The following AK5 variants were observed in gnomAD, a reference collection of about 807,000 sequenced individuals.
AK5 encodes adenylate kinase isoenzyme 5.
In AK5, 27 loss-of-function variants were observed where a neutral mutation model predicts 69.5. That is an observed-to-expected ratio of 0.39 (90% CI 0.29 to 0.54). The LOEUF (loss-of-function observed/expected upper bound fraction) is 0.54, where lower values mean the gene tolerates loss of function less well. Ranked by LOEUF, AK5 falls within the 20% of genes least tolerant of loss-of-function variation. The pLI is 0.71. For synonymous variants in AK5, 260 were observed against 244.4 expected, an observed-to-expected ratio of 1.06 and a Z score of -0.60; for missense variants, 531 against 700.4, an observed-to-expected ratio of 0.76 and a Z score of 2.73.
At chr1:77,329,015 A>G (rs536896000) in intron 5 of AK5, among the ~76,000 whole-genome samples, 137 of 152,248 alleles carry the variant, frequency 9.0e-4, no homozygotes, top group Middle Eastern at 3.4e-3. Flanking sequence ...CTGTAATGGT[A>G]TTAACCCAAT....
chr1:77,319,722 G>T (rs2100320064), intron 5 of AK5, among the ~76,000 whole-genome samples: 1 of 152,224 alleles, frequency 6.6e-6, no homozygotes, highest in South Asian at 2.1e-4. Flanking sequence ...TTATAATTTG[G>T]ATATCTTAAG....
At chr1:77,385,471 G>C (rs767295330) in intron 6 of AK5, among the ~76,000 whole-genome samples, 3 of 152,106 alleles carry the variant, frequency 2.0e-5, no homozygotes, top group Non-Finnish European at 4.4e-5. Flanking sequence ...ACTTTACAAA[G>C]TTTTTAAGTG....
intron 12 of AK5, among the ~76,000 whole-genome samples, chr1:77,526,553 G>T (rs1284507531): frequency 2.3e-5 from 3 of 133,114 alleles, no homozygotes; most frequent in Middle Eastern, 5.2e-3. Context: ...TTGGCTCACT[G>T]CAAGCTCTGC....
chr1:77,374,061 A>G (rs1010651727), intron 6 of AK5, among the ~76,000 whole-genome samples: 2 of 152,190 alleles, frequency 1.3e-5, no homozygotes, highest in Non-Finnish European at 2.9e-5. Context: ...GAACACTGTC[A>G]TTTCCCAACG....
At chr1:77,503,235 C>A (rs193077800) in intron 10 of AK5, among the ~76,000 whole-genome samples, 1 of 152,100 alleles carries the variant, frequency 6.6e-6, no homozygotes, top group Admixed American at 6.5e-5. Context: ...CATGCCAGGC[C>A]TGTGAGGAAG....
At chr1:77,327,013 C>A (rs1163614169) in intron 5 of AK5, among the ~76,000 whole-genome samples, 1 of 152,120 alleles carries the variant, frequency 6.6e-6, no homozygotes, top group African/African-American at 2.4e-5. Context: ...ATCTCATGGG[C>A]AATCATTCCT....
chr1:77,554,911 C>T (rs1660013702), intron 13 of AK5, among the ~76,000 whole-genome samples: 1 of 151,998 alleles, frequency 6.6e-6, no homozygotes, highest in Non-Finnish European at 1.5e-5. Flanking sequence ...CCACCATGCC[C>T]AGCCTCTGCG....
chr1:77,368,365 T>TAC (rs142377935), intron 6 of AK5, among the ~76,000 whole-genome samples: 5 of 135,982 alleles, frequency 3.7e-5, no homozygotes, highest in South Asian at 4.6e-4. Flanking sequence ...TGTATATATA[T>TAC]ACACACACAC....
At chr1:77,517,162 G>A (rs1198517394) in intron 10 of AK5, among the ~76,000 whole-genome samples, 1 of 151,994 alleles carries the variant, frequency 6.6e-6, no homozygotes, top group Non-Finnish European at 1.5e-5. Context: ...TGCTGCTGTA[G>A]GGAATTTGAA....
chr1:77,404,534 C>G (rs977446319), intron 6 of AK5, among the ~76,000 whole-genome samples: 1 of 152,022 alleles, frequency 6.6e-6, no homozygotes, highest in Non-Finnish European at 1.5e-5. Context: ...AAATCTTTGC[C>G]AATTAAGTGG....
At position 77,327,403 on chromosome 1, in the gene AK5, A is replaced by C. The variant is rs895744394; in HGVS notation, c.700-12974A>C. On this transcript the variant is annotated intron_variant, in intron 5 of 13. Coordinates refer to ENST00000354567, the MANE Select transcript of AK5 (RefSeq NM_174858.3). ...AAGATCCTGTCTCAAAAAAAAAAAA[A>C]AAAAACACATACACACAAAGAAGTT... Among the ~76,000 whole-genome samples, 238 of 152,116 alleles carry C rather than the reference A, an allele frequency of 1.6e-3. 1 individual carries two copies. Among genetic ancestry groups the C allele is most frequent in the Admixed American group, 6.8e-3 (104 of 15,276 alleles).
rs898958689 is a variant in AK5, at chr1:77,420,262, TTAAAA to T, written c.1059+2550_1059+2554del. On this transcript the variant is annotated intron_variant, in intron 8 of 13. Transcript: ENST00000354567. ...AAAGAGGTGAGATTTGAGCAGTGAC[TTAAAA>T]TATAATGTAAACCAGCAGAAGATGG... 2.9e-4 allele frequency: 44 copies of T among 152,222 alleles called. 1 individual carries two copies. Among genetic ancestry groups the T allele is most frequent in the African/African-American group, 1.1e-3 (44 of 41,542 alleles). 9.4% of individuals were successfully genotyped at this position (152,222 alleles called of 1,614,324 possible). A position where few individuals can be genotyped will look rare whatever the true frequency, so the allele number is the denominator to read the frequency against.
At chr1:77,307,177 A>G (rs1401406406) in intron 5 of AK5, among the ~76,000 whole-genome samples, 3 of 151,458 alleles carry the variant, frequency 2.0e-5, no homozygotes, top group African/African-American at 4.8e-5. Flanking sequence ...AAAATTCAGG[A>G]TGCATCTTTA....
intron 6 of AK5, among the ~76,000 whole-genome samples, chr1:77,407,354 T>G (rs1177249985): frequency 6.6e-6 from 1 of 152,108 alleles, no homozygotes; most frequent in Non-Finnish European, 1.5e-5. Context: ...ATAACAACAT[T>G]GATGAATCTC....
In AK5 at chr1:77,461,769, CAAAAA is replaced by C. The variant is rs960152262; in HGVS notation, c.1060-21537_1060-21533del. Among the ~76,000 whole-genome samples, 26 of 83,958 alleles carry C rather than the reference CAAAAA, an allele frequency of 3.1e-4. No individual in the cohort carries two copies. In the Admixed American group the frequency reaches 3.4e-3, roughly 11 times the overall value. 55.1% of individuals were successfully genotyped at this position (83,958 alleles called of 152,430 possible). A position where few individuals can be genotyped will look rare whatever the true frequency, so the allele number is the denominator to read the frequency against. On this transcript the variant is annotated intron_variant, in intron 8 of 13. Transcript: ENST00000354567. Reference sequence around the variant, plus strand: ...TGGGCAACAGGGCAAGACTCTGTCTCAAAAAAAAAAAAAAAGAAAGAAATCTATTG... The same window carrying C: ...TGGGCAACAGGGCAAGACTCTGTCTCAAAAAAAAAAGAAAGAAATCTATTG...
chr1:77,558,838 C>T lies in AK5; in HGVS notation c.*168C>T. The T allele has an allele frequency of 1.7e-6, 1 of 605,878 alleles. No homozygotes were observed. Among genetic ancestry groups the T allele is most frequent in the Non-Finnish European group, 3.0e-6 (1 of 330,772 alleles). The allele number at this position is 605,878 out of a possible 1,614,324, so 37.5% of individuals were successfully genotyped here. On this transcript the variant is annotated 3_prime_UTR_variant, in exon 14 of 14. Transcript: ENST00000354567. ...CCAGCTAGACCTGTGTGAGAGGTGTCTGGAAATCATGCATGGTGTATTTGG... is the reference window on the plus strand; with the variant it reads ...CCAGCTAGACCTGTGTGAGAGGTGTTTGGAAATCATGCATGGTGTATTTGG...
intron 11 of AK5, among the ~76,000 whole-genome samples, 190 bp downstream of exon 11, chr1:77,518,917 G>A (rs1001719687): frequency 1.3e-5 from 2 of 152,124 alleles, no homozygotes; most frequent in Non-Finnish European, 2.9e-5. Flanking sequence ...CAACCAGGTC[G>A]AGCTGGCCCA....
chr1:77,481,057 A>T (rs1032883708), intron 8 of AK5, among the ~76,000 whole-genome samples: 12 of 152,182 alleles, frequency 7.9e-5, no homozygotes, highest in Non-Finnish European at 1.0e-4. Context: ...TGAGGCAGGG[A>T]GCCAGACTGT....
At chr1:77,388,122 G>A (rs1166353749) in intron 6 of AK5, among the ~76,000 whole-genome samples, 2 of 152,142 alleles carry the variant, frequency 1.3e-5, no homozygotes, top group African/African-American at 4.8e-5. Context: ...CCATTGTCAT[G>A]CACATATATA....
Sources: allele counts gnomAD v4.1 joint callset (sites outside exome capture counted in the v4.1 genomes callset), GRCh38; gene constraint gnomAD v4.1.1; transcripts MANE v1.5; gene names NCBI Gene and HGNC (gene_info 2026-07-23, HGNC 2026-07-21).